Variants in FAM107A observed in about 807,000 individuals in gnomAD.
FAM107A encodes the protein family with sequence similarity 107 member A.
FAM107A carries 19 observed loss-of-function variants against 13.7 expected under a neutral mutation model. That is an observed-to-expected ratio of 1.38 (90% CI 0.97 to 2.03). The LOEUF is 2.03. Ranked by LOEUF, FAM107A falls within the 30% of genes most tolerant of loss-of-function variation. The pLI is 0.00. For missense variants in FAM107A, 203 were observed against 184.4 expected, an observed-to-expected ratio of 1.10 and a Z score of -0.58; for synonymous variants, 82 against 74.5, an observed-to-expected ratio of 1.10 and a Z score of -0.52.
rs576273987 is a variant in FAM107A at position 58,604,145 on chromosome 3, G to T, written c.-69-14876C>A. Among the ~76,000 whole-genome samples the T allele has an allele frequency of 4.1e-4, 63 of 152,018 alleles. No homozygotes were observed. The South Asian group carries it at 5.0e-3, about 12-fold the overall frequency. On this transcript the variant is annotated intron_variant, in intron 1 of 3. Transcript: ENST00000465970. The surrounding 1 kb of genome is among the most constrained non-coding windows in gnomAD (Gnocchi z 4.1). ...GGAGGGAGCCACAAAAAGCCTTTGT[G>T]TTTCTGTAAAGGTCCCTGAAGATTG...
intron 1 of FAM107A, among the ~76,000 whole-genome samples, chr3:58,593,240 C>T (rs1041818900): frequency 2.6e-5 from 4 of 152,202 alleles, no homozygotes; most frequent in South Asian, 2.1e-4. Flanking sequence ...GCAGTAATAA[C>T]GCTTATGAGC....
intron 1 of FAM107A, chr3:58,626,857 C>G (rs902160997): frequency 3.6e-5 from 36 of 987,050 alleles, no homozygotes; most frequent in Non-Finnish European, 5.3e-5. Flanking sequence ...AGGGGGAGGG[C>G]TGGTGGGCAC....
intron 1 of FAM107A, among the ~76,000 whole-genome samples, chr3:58,597,552 G>T (rs1223155100): frequency 6.6e-6 from 1 of 152,240 alleles, no homozygotes; most frequent in African/African-American, 2.4e-5. Flanking sequence ...AATAGGAATT[G>T]TAACTTATTC....
rs1244410393 is a variant in FAM107A, at chr3:58,613,027, C to G, written c.-70+14389G>C. ...TTTCTACTGCTGTCCTTCCCGTTAC[C>G]TCCTCCAATGGGGCTTCAGTCACCA... is the stretch of plus-strand genomic sequence containing the variant. On this transcript the variant is annotated intron_variant, in intron 1 of 3. Coordinates refer to the FAM107A transcript ENST00000465970. This position sits in a 1 kb window ranked among gnomAD's most constrained non-coding sequence, Gnocchi z 4.6. Among the ~76,000 whole-genome samples the G allele has an allele frequency of 6.6e-6, 1 of 152,110 alleles. No individual in the cohort carries two copies. Among genetic ancestry groups the G allele is most frequent in the Admixed American group, 6.5e-5 (1 of 15,272 alleles).
chr3:58,577,585 T>C, upstream of FAM107A: 1 of 985,386 alleles, frequency 1.0e-6, no homozygotes, highest in Non-Finnish European at 1.2e-6. The surrounding 1 kb of genome is among the most constrained non-coding windows in gnomAD (Gnocchi z 4.9). Flanking sequence ...AGCCACACGC[T>C]TGAGAGGCAC....
chr3:58,606,195 A>G (rs1293569845), intron 1 of FAM107A, among the ~76,000 whole-genome samples: 2 of 152,206 alleles, frequency 1.3e-5, no homozygotes, highest in Non-Finnish European at 2.9e-5. Context: ...TCCCAGGCTT[A>G]AGTGATTCTC....
chr3:58,593,102 C>G (rs2065667476), intron 1 of FAM107A, among the ~76,000 whole-genome samples: 2 of 152,128 alleles, frequency 1.3e-5, no homozygotes, highest in African/African-American at 4.8e-5. Context: ...GCAGGACCCT[C>G]CCCATTGGGT....
At chr3:58,571,778 C>T (rs1371309410) in intron 1 of FAM107A, among the ~76,000 whole-genome samples, 3 of 152,212 alleles carry the variant, frequency 2.0e-5, no homozygotes, top group African/African-American at 2.4e-5. Flanking sequence ...TTCCCGTGAC[C>T]TCAGCTCTCT....
Position 58,565,787 on chromosome 3 carries a change from C to T in FAM107A, c.*801G>A, listed in dbSNP as rs748241126. ...GCATGGTCCTCACACCAGCAGCCTC[C>T]GCCTTACCTGGGAGCTTGTTAGAAA... On this transcript the variant is annotated 3_prime_UTR_variant, in exon 4 of 4. Transcript: ENST00000360997. The T allele has an allele frequency of 6.6e-6, 1 of 152,172 alleles. No homozygotes were observed. Among genetic ancestry groups the T allele is most frequent in the African/African-American group, 2.4e-5 (1 of 41,390 alleles). The allele number at this position is 152,172 out of a possible 1,614,324, so 9.4% of individuals were successfully genotyped here.
At chr3:58,611,620 C>T (rs561635638) in intron 1 of FAM107A, among the ~76,000 whole-genome samples, 6 of 152,344 alleles carry the variant, frequency 3.9e-5, no homozygotes, top group African/African-American at 1.4e-4. Flanking sequence ...ACCCACTGCA[C>T]TGGGCAGTGA....
At chr3:58,587,874 C>A (rs2065623740), upstream of FAM107A, among the ~76,000 whole-genome samples, 1 of 152,136 alleles carries the variant, frequency 6.6e-6, no homozygotes, top group African/African-American at 2.4e-5. Flanking sequence ...TGTTCTGTTT[C>A]ATTTAATCTT....
intron 1 of FAM107A, among the ~76,000 whole-genome samples, chr3:58,585,125 G>A (rs535968336): frequency 1.3e-5 from 2 of 152,246 alleles, no homozygotes; most frequent in African/African-American, 4.8e-5. Flanking sequence ...CTCCTTACCC[G>A]CAGGCGTGCA....
intron 1 of FAM107A, among the ~76,000 whole-genome samples, chr3:58,598,866 C>T (rs1424473657): frequency 1.3e-5 from 2 of 152,172 alleles, no homozygotes; most frequent in Non-Finnish European, 2.9e-5. Flanking sequence ...GTGTAAACCA[C>T]AGTGTGATGC....
Sources: allele counts gnomAD v4.1 joint callset (sites outside exome capture counted in the v4.1 genomes callset), GRCh38; gene constraint gnomAD v4.1.1; non-coding constraint Gnocchi (gnomAD v3.1); transcripts MANE v1.5; gene names NCBI Gene and HGNC (gene_info 2026-07-23, HGNC 2026-07-21).